The following EPHA5 variants were observed in gnomAD, a reference collection of about 807,000 sequenced individuals.
The protein encoded by EPHA5 is EPH receptor A5, also known as ephrin type-A receptor 5.
In EPHA5, 60 loss-of-function variants were observed where a neutral mutation model predicts 105.0. That is an observed-to-expected ratio of 0.57 (90% CI 0.46 to 0.71). EPHA5 has a LOEUF of 0.71. Ranked by LOEUF, EPHA5 falls within the 30% of genes least tolerant of loss-of-function variation. The pLI, the probability that EPHA5 is intolerant of heterozygous loss-of-function variation, is 0.00. For synonymous variants in EPHA5, 513 were observed against 449.1 expected, an observed-to-expected ratio of 1.14 and a Z score of -1.80; for missense variants, 1,218 against 1,274.7, an observed-to-expected ratio of 0.96 and a Z score of 0.68.
chr4:65,393,138 T>C (rs1342151313), intron 8 of EPHA5, among the ~76,000 whole-genome samples: 1 of 152,156 alleles, frequency 6.6e-6, no homozygotes, highest in Non-Finnish European at 1.5e-5. Context: ...TGAGAGATAA[T>C]ATGAAGCTTT....
intron 3 of EPHA5, among the ~76,000 whole-genome samples, chr4:65,513,781 A>G (rs2149265254): frequency 6.6e-6 from 1 of 152,326 alleles, no homozygotes; most frequent in East Asian, 1.9e-4. Flanking sequence ...CTTATTTAAA[A>G]AAACGTCAAT....
At chr4:65,494,767 A>T (rs1425085426) in intron 4 of EPHA5, among the ~76,000 whole-genome samples, 3 of 152,116 alleles carry the variant, frequency 2.0e-5, no homozygotes, top group Non-Finnish European at 4.4e-5. Context: ...TAGCAAAAAA[A>T]TTGGTGTATG....
At chr4:65,498,376 T>C (rs1473833332) in intron 3 of EPHA5, among the ~76,000 whole-genome samples, 1 of 151,900 alleles carries the variant, frequency 6.6e-6, no homozygotes, top group African/African-American at 2.4e-5. Context: ...AAATGAAAAT[T>C]GTATATTTTC....
intron 2 of EPHA5, among the ~76,000 whole-genome samples, chr4:65,603,276 G>A (rs2149444128): frequency 6.6e-6 from 1 of 151,992 alleles, no homozygotes; most frequent in Non-Finnish European, 1.5e-5. Context: ...TTCCTGAACG[G>A]TACAGAGCCA....
At chr4:65,472,727 G>GCCTGGCCCACAAAA (rs147923417) in intron 5 of EPHA5, among the ~76,000 whole-genome samples, 3 of 151,972 alleles carry the variant, frequency 2.0e-5, no homozygotes, top group African/African-American at 7.2e-5. Context: ...GGGCCCCTGG[G>GCCTGGCCCACAAAA]CCTGGCCCAC....
chr4:65,436,914 G>C (rs1725531960), intron 5 of EPHA5, among the ~76,000 whole-genome samples: 1 of 151,770 alleles, frequency 6.6e-6, no homozygotes, highest in Admixed American at 6.6e-5. Flanking sequence ...ATGATGCCAG[G>C]CTTTTGATCT....
chr4:65,386,861 A>G (rs2148944277), intron 8 of EPHA5, among the ~76,000 whole-genome samples: 1 of 152,110 alleles, frequency 6.6e-6, no homozygotes. Flanking sequence ...ATTTAAAATA[A>G]GAATTAAGAA....
intron 6 of EPHA5, among the ~76,000 whole-genome samples, chr4:65,417,173 G>A (rs1402101308): frequency 2.0e-5 from 3 of 152,196 alleles, no homozygotes; most frequent in African/African-American, 7.2e-5. Context: ...TCACACGGTA[G>A]CAGAGAAGCC....
rs146757388 is a variant in EPHA5, at chr4:65,367,423, G to A, written c.1795C>T (p.Arg599Trp). 2.2e-5 allele frequency: 35 copies of A among 1,611,324 alleles called. No individual in the cohort carries two copies. The East Asian group carries it at 5.6e-4, about 26-fold the overall frequency. The change falls in exon 9 of 17, where the codon CGG becomes TGG. Residue 599 changes from arginine (R) to tryptophan (W), a missense_variant and splice_region_variant. This residue lies in a region of EPHA5 where 971 missense variants were observed against 1,013.5 expected (regional missense o/e 0.96). Transcript: ENST00000613740. ...VVIGVLLSGR[R>W]CGYSKAKQDP... ...TGTTTTGCTTTGCTGTAGCCACACC[G>A]CCTGGAACAAAGTAAGCTAGAATTA...
chr4:65,388,400 T>C (rs1720347771), intron 8 of EPHA5, among the ~76,000 whole-genome samples: 1 of 151,706 alleles, frequency 6.6e-6, no homozygotes, highest in African/African-American at 2.4e-5. Flanking sequence ...CACACTGACT[T>C]CCACAATGGT....
chr4:65,325,665 A>G lies in EPHA5; in HGVS notation c.2946-1446T>C, dbSNP rs200877781. Among the ~76,000 whole-genome samples, 38 of 151,478 alleles carry G rather than the reference A, an allele frequency of 2.5e-4. 1 individual carries two copies. In the East Asian group the frequency reaches 4.7e-3, roughly 19 times the overall value. ...GTAAAATTAGCTTTGAAACAAAATC[A>G]TTATTATTAATAATGGAATAGACTA... On this transcript the variant is annotated intron_variant, in intron 16 of 16. Transcript: ENST00000613740.
intron 1 of EPHA5, among the ~76,000 whole-genome samples, chr4:65,650,228 T>C (rs1415057762): frequency 6.6e-6 from 1 of 152,070 alleles, no homozygotes; most frequent in African/African-American, 2.4e-5. Flanking sequence ...CCATGTTCCC[T>C]AGTTCAACGA....
At chr4:65,657,984 T>C (rs1195961030) in intron 1 of EPHA5, among the ~76,000 whole-genome samples, 1 of 150,036 alleles carries the variant, frequency 6.7e-6, no homozygotes, top group Admixed American at 6.8e-5. Flanking sequence ...ACTATTTCAG[T>C]GGCCATTCTC....
chr4:65,613,508 A>G (rs1353775754), intron 2 of EPHA5, among the ~76,000 whole-genome samples: 2 of 152,074 alleles, frequency 1.3e-5, no homozygotes, highest in Non-Finnish European at 2.9e-5. Context: ...ATCCATAAGA[A>G]TGGGATGATC....
chr4:65,493,410 G>A (rs1390935240), intron 4 of EPHA5, among the ~76,000 whole-genome samples: 1 of 151,960 alleles, frequency 6.6e-6, no homozygotes, highest in Non-Finnish European at 1.5e-5. Flanking sequence ...AAAATTTGAA[G>A]TTGGAGCTAT....
At chr4:65,588,094 A>G (rs188237469) in intron 3 of EPHA5, among the ~76,000 whole-genome samples, 2 of 152,326 alleles carry the variant, frequency 1.3e-5, no homozygotes, top group African/African-American at 4.8e-5. Context: ...TGATCTTAGT[A>G]AAATTAACCT....
At chr4:65,546,928 G>T (rs773480690) in intron 3 of EPHA5, among the ~76,000 whole-genome samples, 1 of 151,744 alleles carries the variant, frequency 6.6e-6, no homozygotes, top group Admixed American at 6.6e-5. Flanking sequence ...ACATGTACGC[G>T]TAATACATTC....
At chr4:65,518,486 T>C (rs1404610344) in intron 3 of EPHA5, among the ~76,000 whole-genome samples, 1 of 151,928 alleles carries the variant, frequency 6.6e-6, no homozygotes, top group Admixed American at 6.6e-5. Flanking sequence ...AATTTAGTAC[T>C]TTAATCTCCA....
chr4:65,443,516 A>C (rs1726212163), intron 5 of EPHA5, among the ~76,000 whole-genome samples: 2 of 152,056 alleles, frequency 1.3e-5, no homozygotes, highest in African/African-American at 4.8e-5. Context: ...GATAGGAAAA[A>C]TTTAAGGCAT....
Sources: gnomAD v4.1 joint callset for allele counts (sites outside exome capture counted in the v4.1 genomes callset) on GRCh38, gnomAD v4.1.1 for gene constraint, gnomAD v4.1.1 regional missense constraint, MANE v1.5 for transcripts, NCBI Gene and HGNC (gene_info 2026-07-23, HGNC 2026-07-21) for gene names.